The following ALCAM variants were observed in gnomAD, a reference collection of about 807,000 sequenced individuals.
The protein encoded by ALCAM is CD166 antigen.
A neutral mutation model predicts 70.9 loss-of-function variants in ALCAM; 30 were observed. The ratio of observed to expected loss-of-function variants is 0.42; its 90% confidence interval spans 0.32 to 0.57. The LOEUF (loss-of-function observed/expected upper bound fraction) is 0.57. Ranked by LOEUF, ALCAM falls within the 20% of genes least tolerant of loss-of-function variation. The pLI, the probability that ALCAM is intolerant of heterozygous loss-of-function variation, is 0.11. For synonymous variants in ALCAM, 249 were observed against 242.5 expected, an observed-to-expected ratio of 1.03 and a Z score of -0.25; for missense variants, 591 against 695.1, an observed-to-expected ratio of 0.85 and a Z score of 1.68.
intron 1 of ALCAM, among the ~76,000 whole-genome samples, chr3:105,517,912 G>A (rs1466829003): frequency 6.6e-6 from 1 of 152,078 alleles, no homozygotes; most frequent in Non-Finnish European, 1.5e-5. Context: ...TGTTTCTGGA[G>A]ATACAAAGCT....
At chr3:105,458,377 G>C (rs537436926) in intron 1 of ALCAM, among the ~76,000 whole-genome samples, 1 of 152,110 alleles carries the variant, frequency 6.6e-6, no homozygotes. Context: ...TGTAAGGTAC[G>C]CAGGCATGCA....
At chr3:105,420,355 G>A (rs1936616843) in intron 1 of ALCAM, among the ~76,000 whole-genome samples, 1 of 151,518 alleles carries the variant, frequency 6.6e-6, no homozygotes, top group Admixed American at 6.6e-5. Context: ...ACATTTCAAT[G>A]TTTTTCTTTT....
At chr3:105,449,685 TAA>T (rs1472187649) in intron 1 of ALCAM, among the ~76,000 whole-genome samples, 1 of 152,196 alleles carries the variant, frequency 6.6e-6, no homozygotes, top group Non-Finnish European at 1.5e-5. Context: ...CTGTGCCACG[TAA>T]AGACTTTATG....
intron 1 of ALCAM, among the ~76,000 whole-genome samples, chr3:105,394,816 A>C (rs1193765080): frequency 2.0e-5 from 3 of 151,934 alleles, no homozygotes; most frequent in Non-Finnish European, 2.9e-5. Flanking sequence ...ATGGCAAACC[A>C]ATGACTATAT....
At chr3:105,448,329 A>C (rs897192593) in intron 1 of ALCAM, among the ~76,000 whole-genome samples, 2 of 152,168 alleles carry the variant, frequency 1.3e-5, no homozygotes, top group Non-Finnish European at 2.9e-5. Flanking sequence ...CATTTAAGCT[A>C]AAACTTTAAG....
intron 1 of ALCAM, among the ~76,000 whole-genome samples, chr3:105,377,606 A>C (rs766851960): frequency 2.6e-5 from 4 of 152,188 alleles, no homozygotes; most frequent in Non-Finnish European, 4.4e-5. Context: ...ACACTCACAT[A>C]CAAGGCAAAA....
intron 1 of ALCAM, among the ~76,000 whole-genome samples, chr3:105,422,950 G>A (rs1294077304): frequency 6.6e-6 from 1 of 151,368 alleles, no homozygotes; most frequent in East Asian, 1.9e-4. Context: ...AAATACAGTA[G>A]CTATCCCATT....
intron 1 of ALCAM, among the ~76,000 whole-genome samples, chr3:105,504,738 A>G (rs1198350606): frequency 6.6e-6 from 1 of 152,064 alleles, no homozygotes. Context: ...GGATGGGGGC[A>G]TGGCAGGCCA....
intron 1 of ALCAM, among the ~76,000 whole-genome samples, chr3:105,436,201 G>C (rs527458412): frequency 6.6e-6 from 1 of 152,242 alleles, no homozygotes; most frequent in African/African-American, 2.4e-5. Context: ...GATTTGGATG[G>C]GGACACAGAG....
chr3:105,523,196 G>C (rs1939599847), intron 2 of ALCAM, among the ~76,000 whole-genome samples: 1 of 140,962 alleles, frequency 7.1e-6, no homozygotes, highest in South Asian at 2.3e-4. Flanking sequence ...CTGCCATAAA[G>C]TTAAGTGCTC....
rs1332854561 is a variant in ALCAM at position 105,569,264 on chromosome 3, T to A, written c.1665-2588T>A. On this transcript the variant is annotated intron_variant, in intron 14 of 15. Transcript: ENST00000306107. ...AGTAGAAAGAAAAAGAAAGGAGGAA[T>A]GGAATGGAGAAAAAAATTAGAGGAC... Among the ~76,000 whole-genome samples, 3 of 150,970 alleles carry A rather than the reference T, an allele frequency of 2.0e-5. 1 individual carries two copies. The highest frequency in any genetic ancestry group is 2.0e-4 in the Admixed American group (3 of 15,162).
intron 6 of ALCAM, among the ~76,000 whole-genome samples, chr3:105,539,716 A>T (rs1392934431): frequency 6.6e-6 from 1 of 152,046 alleles, no homozygotes; most frequent in African/African-American, 2.4e-5. Context: ...AATTACCACC[A>T]TTCCTACCTC....
At position 105,552,529 on chromosome 3, in the gene ALCAM, C is replaced by T. The variant is rs764394350; in HGVS notation, c.1608C>T (p.Leu536=). 8 of 1,611,706 alleles carry T rather than the reference C, an allele frequency of 5.0e-6. No homozygotes were observed. The East Asian group carries it at 1.3e-4, about 27-fold the overall frequency. ...TAATTGTGGGAATCGTTGTTGGTCTCCTCCTTGCTGCCCTTGTTGCTGGTG... is the reference window on the plus strand; with the variant it reads ...TAATTGTGGGAATCGTTGTTGGTCTTCTCCTTGCTGCCCTTGTTGCTGGTG... ...AKLIVGIVVG[L]LLAALVAGVV... Residue 536 remains leucine (L), a synonymous_variant, in exon 14 of 16, where the codon CTC becomes CTT. Coordinates refer to ENST00000306107, the MANE Select transcript of ALCAM (RefSeq NM_001627.4).
intron 1 of ALCAM, among the ~76,000 whole-genome samples, chr3:105,413,709 TAA>T (rs1936442760): frequency 6.6e-6 from 1 of 152,158 alleles, no homozygotes; most frequent in South Asian, 2.1e-4. Flanking sequence ...ACTGAATAAG[TAA>T]AGTGTCCACA....
chr3:105,496,861 CGTGT>C (rs149403516), intron 1 of ALCAM, among the ~76,000 whole-genome samples: 2 of 137,154 alleles, frequency 1.5e-5, no homozygotes, highest in South Asian at 2.3e-4. Context: ...TGTGTGCATG[CGTGT>C]GTGTGTGTGT....
At chr3:105,432,929 C>T (rs1224446291) in intron 1 of ALCAM, among the ~76,000 whole-genome samples, 2 of 152,096 alleles carry the variant, frequency 1.3e-5, no homozygotes, top group Non-Finnish European at 2.9e-5. Flanking sequence ...TATTAACCAG[C>T]TTCATATAAC....
At position 105,478,237 on chromosome 3, in the gene ALCAM, T is replaced by A. The variant is rs146928182; in HGVS notation, c.74-41830T>A. ...TGTTGTAACAGCCAATTAAGTTAGATTCAAGGCTGCTGTTCTTGTGCAGCA... is the reference window on the plus strand; with the variant it reads ...TGTTGTAACAGCCAATTAAGTTAGAATCAAGGCTGCTGTTCTTGTGCAGCA... On this transcript the variant is annotated intron_variant, in intron 1 of 15. Transcript: ENST00000306107. 2.8e-3 allele frequency among the ~76,000 whole-genome samples: 420 copies of A among 152,238 alleles called. 3 individuals are homozygous for A. The highest frequency in any genetic ancestry group is 9.5e-3 in the African/African-American group (395 of 41,552).
intron 14 of ALCAM, among the ~76,000 whole-genome samples, chr3:105,560,670 T>G (rs1268971814): frequency 6.6e-6 from 1 of 152,144 alleles, no homozygotes; most frequent in East Asian, 1.9e-4. Context: ...ACTTTGACAT[T>G]GAAGGGTATG....
At chr3:105,457,343 T>G (rs1329817202) in intron 1 of ALCAM, among the ~76,000 whole-genome samples, 1 of 151,898 alleles carries the variant, frequency 6.6e-6, no homozygotes, top group Non-Finnish European at 1.5e-5. Flanking sequence ...CACTTATAAG[T>G]GGGAGCTAAA....
Sources: gnomAD v4.1 joint callset for allele counts (sites outside exome capture counted in the v4.1 genomes callset) on GRCh38, gnomAD v4.1.1 for gene constraint, MANE v1.5 for transcripts, NCBI Gene and HGNC (gene_info 2026-07-23, HGNC 2026-07-21) for gene names.